PPFIBP1: variants seen among roughly 807,000 people sequenced by gnomAD.
PPFIBP1 encodes PPFIB scaffold protein 1, also known as liprin-beta-1.
PPFIBP1 carries 112 observed loss-of-function variants against 137.8 expected under a neutral mutation model. The ratio of observed to expected loss-of-function variants is 0.81; its 90% CI spans 0.70 to 0.95. The LOEUF (loss-of-function observed/expected upper bound fraction) is 0.95. Among genes scored for constraint, PPFIBP1 ranks in the 40% least tolerant of loss-of-function variants. PPFIBP1 has a pLI of 0.00. For synonymous variants in PPFIBP1, 378 were observed against 417.3 expected (o/e 0.91, Z 1.15); for missense variants, 1,083 against 1,196.6 (o/e 0.91, Z 1.40).
At chr12:27,528,437 G>A (rs758579050) in intron 1 of PPFIBP1, among the ~76,000 whole-genome samples, 4 of 152,130 alleles carry the variant, frequency 2.6e-5, no homozygotes, top group Non-Finnish European at 4.4e-5. Context: ...TGCAGTGCAC[G>A]TCAGAACCTT....
In PPFIBP1 at chr12:27,601,177, G is replaced by A. The variant is rs1170700013; in HGVS notation, c.-36+22938G>A. 2.0e-5 allele frequency among the ~76,000 whole-genome samples: 3 copies of A among 152,010 alleles called. No individual in the cohort carries two copies. The East Asian group carries it at 5.8e-4, about 29-fold the overall frequency. Reference sequence around the variant, plus strand: ...TATTTTACCAGTAAAAACAATTAAGGGGAAAAAAAGAACCAATGTAAATGG... The same window carrying A: ...TATTTTACCAGTAAAAACAATTAAGAGGAAAAAAAGAACCAATGTAAATGG... On this transcript the variant is annotated intron_variant, in intron 2 of 29. Transcript: ENST00000228425.
Position 27,682,409 on chromosome 12 carries a change from T to C in PPFIBP1, c.2069T>C (p.Leu690Pro). The stretch of plus-strand genomic sequence containing the variant: ...CAGGAACTTGGAATCAAGCATTCAC[T>C]TCATCGAAAGAAACTCCAGCTAGCA... Reference protein sequence around the residue: ...LEKELGIKHSLHRKKLQLALQ... With the variant: ...LEKELGIKHSPHRKKLQLALQ... Residue 690 changes from leucine to proline, a missense_variant, in exon 23 of 30, where the codon CTT becomes CCT. Transcript: ENST00000228425. 1 of 1,613,294 alleles carries C rather than the reference T, an allele frequency of 6.2e-7. No homozygotes were observed. Among genetic ancestry groups the C allele is most frequent in the Non-Finnish European group, 8.5e-7 (1 of 1,179,252 alleles).
At chr12:27,664,121 G>T (rs2059713757) in intron 11 of PPFIBP1, among the ~76,000 whole-genome samples, 1 of 152,106 alleles carries the variant, frequency 6.6e-6, no homozygotes, top group Non-Finnish European at 1.5e-5. Context: ...GAGGTACTTT[G>T]CCCATATGTT....
intron 7 of PPFIBP1, among the ~76,000 whole-genome samples, chr12:27,651,639 C>T (rs375802014): frequency 1.3e-5 from 2 of 152,144 alleles, no homozygotes; most frequent in East Asian, 1.9e-4. Context: ...AGATGGGCAA[C>T]ATGGCAGTGG....
At chr12:27,630,269 A>G (rs1422510490) in intron 2 of PPFIBP1, among the ~76,000 whole-genome samples, 1 of 151,900 alleles carries the variant, frequency 6.6e-6, no homozygotes, top group Non-Finnish European at 1.5e-5. Flanking sequence ...AAATTTGTCT[A>G]ATTCTCCCTT....
intron 1 of PPFIBP1, among the ~76,000 whole-genome samples, chr12:27,576,281 A>T (rs2050553778): frequency 6.6e-6 from 1 of 152,108 alleles, no homozygotes; most frequent in Admixed American, 6.5e-5. Context: ...AAGAGCCCTG[A>T]TCCAGGTGAA....
chr12:27,653,227 C>T (rs112981055), intron 7 of PPFIBP1, among the ~76,000 whole-genome samples: 10 of 152,146 alleles, frequency 6.6e-5, no homozygotes, highest in African/African-American at 1.7e-4. Context: ...TTTTGGCATT[C>T]GTGGATAATT....
At chr12:27,576,302 C>T (rs1167612527) in intron 1 of PPFIBP1, among the ~76,000 whole-genome samples, 2 of 152,130 alleles carry the variant, frequency 1.3e-5, no homozygotes, top group African/African-American at 4.8e-5. Context: ...GCGTGTAAAC[C>T]TTGCACATGG....
intron 2 of PPFIBP1, among the ~76,000 whole-genome samples, chr12:27,631,478 A>C (rs1378847014): frequency 6.6e-6 from 1 of 152,210 alleles, no homozygotes; most frequent in East Asian, 1.9e-4. Flanking sequence ...ACTTGTATGT[A>C]CTGTCTTTCC....
At chr12:27,549,526 ATTG>A (rs1946554151) in intron 1 of PPFIBP1, 1 of 151,876 alleles carries the variant, frequency 6.6e-6, no homozygotes, top group Admixed American at 6.6e-5. Context: ...GAGAGAAATA[ATTG>A]TTGTTGGGAA....
chr12:27,542,292 G>A (rs191562415), intron 1 of PPFIBP1, among the ~76,000 whole-genome samples: 4 of 152,334 alleles, frequency 2.6e-5, no homozygotes, highest in East Asian at 3.9e-4. Flanking sequence ...GGGAAGATGT[G>A]TGTAGGTTAT....
intron 2 of PPFIBP1, chr12:27,594,174 ATTT>A (rs35066032): frequency 2.5e-3 from 344 of 139,670 alleles, no homozygotes; most frequent in Non-Finnish European, 3.5e-3. Context: ...CCCCTTTTCT[ATTT>A]TTTTTTTTTT....
rs1407790481 is a variant in PPFIBP1, at chr12:27,646,125, G to C, written c.334G>C (p.Asp112His). 2 of 1,610,170 alleles carry C rather than the reference G, an allele frequency of 1.2e-6. No homozygotes were observed. Among genetic ancestry groups the C allele is most frequent in the African/African-American group, 1.3e-5 (1 of 74,954 alleles). ...YQERLARLEN[D>H]KESLVLQVSV... ...AGAAAGGCTGGCACGTTTAGAAAAT[G>C]ATAAAGAATCCCTCGTTCTTCAGGC... The change falls in exon 5 of 30, where the codon GAT becomes CAT. Residue 112 changes from aspartate to histidine, a missense_variant. By Grantham distance (81) the Asp-to-His change is moderately conservative. Coordinates refer to ENST00000228425, the MANE Select transcript of PPFIBP1 (RefSeq NM_003622.4).
intron 4 of PPFIBP1, among the ~76,000 whole-genome samples, chr12:27,639,240 CAT>C (rs1219610613): frequency 6.6e-6 from 1 of 152,120 alleles, no homozygotes; most frequent in Non-Finnish European, 1.5e-5. Context: ...TAGACTATGA[CAT>C]ATTTGTTTAA....
chr12:27,664,330 G>T, intron 11 of PPFIBP1, 32 bp from the exon 12 acceptor site: 2 of 1,387,232 alleles, frequency 1.4e-6, no homozygotes, highest in Non-Finnish European at 2.0e-6. Flanking sequence ...TAAGAACATA[G>T]GATTAAAGAT....
chr12:27,599,130 T>A (rs2053670404), intron 2 of PPFIBP1, among the ~76,000 whole-genome samples: 2 of 152,238 alleles, frequency 1.3e-5, no homozygotes, highest in African/African-American at 4.8e-5. Flanking sequence ...TTATGTTTCA[T>A]CTTGGCTAGG....
chr12:27,682,665 G>C lies in PPFIBP1; in HGVS notation c.2209G>C (p.Gly737Arg). The C allele has an allele frequency of 8.7e-6, 14 of 1,614,152 alleles. No individual in the cohort carries two copies. Among genetic ancestry groups the C allele is most frequent in the Non-Finnish European group, 1.1e-5 (13 of 1,180,032 alleles). The change falls in exon 24 of 30, where the codon GGA (glycine) becomes CGA (arginine). Residue 737 changes from glycine (G) to arginine (R), a missense_variant. By Grantham distance (125) the Gly-to-Arg change is moderately radical. Transcript: ENST00000228425. ...TCAATATAAGACCCAGTTTGATGAA[G>C]GACGGGTTGATGGTCGAATGCTACA... ...LPQYKTQFDE[G>R]RVDGRMLHYM...
chr12:27,627,167 C>T (rs2056888835), intron 2 of PPFIBP1, among the ~76,000 whole-genome samples: 1 of 152,082 alleles, frequency 6.6e-6, no homozygotes, highest in Non-Finnish European at 1.5e-5. Flanking sequence ...TGACAGTTGT[C>T]ACCCTGTTGT....
chr12:27,598,714 G>C (rs1292061072), intron 2 of PPFIBP1, among the ~76,000 whole-genome samples: 1 of 152,094 alleles, frequency 6.6e-6, no homozygotes, highest in African/African-American at 2.4e-5. Flanking sequence ...TCATCCTTAG[G>C]ATGCCATGCT....
Sources: gnomAD v4.1 joint callset for allele counts (sites outside exome capture counted in the v4.1 genomes callset) on GRCh38, gnomAD v4.1.1 for gene constraint, MANE v1.5 for transcripts, NCBI Gene and HGNC (gene_info 2026-07-23, HGNC 2026-07-21) for gene names.